Variants in VAC14 observed in about 807,000 individuals in gnomAD.
The protein encoded by VAC14 is protein VAC14 homolog.
A neutral mutation model predicts 85.3 loss-of-function variants in VAC14; 47 were observed. The ratio of observed to expected loss-of-function variants is 0.55; its 90% CI spans 0.44 to 0.70. VAC14 has a LOEUF of 0.70. VAC14 is among the 30% of genes least tolerant of loss of function. The pLI is 0.00. For synonymous variants in VAC14, 447 were observed against 430.5 expected, an observed-to-expected ratio of 1.04 and a Z score of -0.47; for missense variants, 861 against 1,004.3, an observed-to-expected ratio of 0.86 and a Z score of 1.93.
rs568615536 is a variant in VAC14 at position 70,765,741 on chromosome 16, A to ACGG, written c.1161-2719_1161-2717dup. On this transcript the variant is annotated intron_variant, in intron 10 of 18. Transcript: ENST00000261776. Reference sequence around the variant, plus strand: ...ACTGTATCCTGGGAGGGGCAGCAGAACGGCAGCTCCAGTGTGGACCAGCCC... The same window carrying ACGG: ...ACTGTATCCTGGGAGGGGCAGCAGAACGGCGGCAGCTCCAGTGTGGACCAGCCC... Among the ~76,000 whole-genome samples the ACGG allele has an allele frequency of 4.3e-4, 65 of 152,266 alleles. No homozygotes were observed. The East Asian group carries it at 0.012, about 27-fold the overall frequency.
At chr16:70,698,555 C>A (rs2053759227) in intron 15 of VAC14, 82 bp downstream of exon 15, 3 of 1,548,330 alleles carry the variant, frequency 1.9e-6, no homozygotes, top group Admixed American at 1.8e-5. Context: ...CCTCCTGGGG[C>A]CAGCCGAGGG....
chr16:70,755,284 G>A (rs2031743830), intron 12 of VAC14: 2 of 284,424 alleles, frequency 7.0e-6, no homozygotes, highest in African/African-American at 2.3e-5. Context: ...CATGGGGCCT[G>A]GGAAGGAAGG....
intron 12 of VAC14, among the ~76,000 whole-genome samples, chr16:70,746,559 G>C (rs549504851): frequency 6.6e-6 from 1 of 152,216 alleles, no homozygotes. Flanking sequence ...CAGGAGCAAG[G>C]GGTGCCCCTC....
intron 1 of VAC14, among the ~76,000 whole-genome samples, chr16:70,790,162 GT>G (rs1423642447): frequency 6.6e-6 from 1 of 152,212 alleles, no homozygotes; most frequent in Non-Finnish European, 1.5e-5. Flanking sequence ...AGGGCATGAG[GT>G]GACTCGGGGC....
At chr16:70,722,812 G>T (rs2054327975) in intron 14 of VAC14, among the ~76,000 whole-genome samples, 1 of 152,164 alleles carries the variant, frequency 6.6e-6, no homozygotes, top group South Asian at 2.1e-4. Flanking sequence ...GACTGCGGTA[G>T]CTCATGCCTG....
rs1338732985 is a variant in VAC14, at chr16:70,689,454, G to A, written c.2187-1364C>T. On this transcript the variant is annotated intron_variant, in intron 18 of 18. Transcript: ENST00000261776. ...GTCCAGCAGGAAGAGTCAACGGCCA[G>A]AGCCTGACAGTTGCTTCAGGTGGCC... 12 of 979,218 alleles carry A rather than the reference G, an allele frequency of 1.2e-5. No homozygotes were observed. In the Admixed American group the frequency reaches 7.7e-4, roughly 63 times the overall value. The allele number at this position is 979,218 out of a possible 1,614,324, so 60.7% of individuals were successfully genotyped here.
Position 70,690,881 on chromosome 16 carries a change from G to A in VAC14, c.2186+1940C>T, listed in dbSNP as rs2053583732. 5 of 985,384 alleles carry A rather than the reference G, an allele frequency of 5.1e-6. No individual in the cohort carries two copies. The South Asian group carries it at 1.9e-4, about 37-fold the overall frequency. The allele number at this position is 985,384 out of a possible 1,614,324, so 61.0% of individuals were successfully genotyped here. On this transcript the variant is annotated intron_variant, in intron 18 of 18. Transcript: ENST00000261776. ...TTGCAAAGTAAGGCTGGGGGTCCAGGGCATTGAAGGCTAGGGGGTGTCTCA... is the reference window on the plus strand; with the variant it reads ...TTGCAAAGTAAGGCTGGGGGTCCAGAGCATTGAAGGCTAGGGGGTGTCTCA...
chr16:70,711,598 C>T (rs374440876), intron 14 of VAC14, among the ~76,000 whole-genome samples: 1 of 152,162 alleles, frequency 6.6e-6, no homozygotes, highest in African/African-American at 2.4e-5. Context: ...CTCTCCCTGG[C>T]CTCCTGACAG....
chr16:70,783,094 GTTC>G lies in VAC14; in HGVS notation c.747_749del (p.Lys249del). 6.2e-7 allele frequency: 1 copy of G among 1,614,152 alleles called. No individual in the cohort carries two copies. Among genetic ancestry groups the G allele is most frequent in the Non-Finnish European group, 8.5e-7 (1 of 1,180,036 alleles). ...TCTCAGCAAACTTCACACTGGAGGG[GTTC>G]TTCTTAATTTCTTTTAAGAATTCTC... On this transcript the variant is annotated inframe_deletion, in exon 7 of 19. Transcript: ENST00000261776.
At chr16:70,736,417 T>A (rs562613009) in intron 13 of VAC14, among the ~76,000 whole-genome samples, 125 of 152,242 alleles carry the variant, frequency 8.2e-4, no homozygotes, top group Middle Eastern at 3.4e-3. Context: ...GGAGATTTCA[T>A]TTCTGGCACA....
intron 1 of VAC14, among the ~76,000 whole-genome samples, chr16:70,797,264 C>T (rs531696960): frequency 2.5e-4 from 38 of 152,168 alleles, no homozygotes; most frequent in African/African-American, 8.4e-4. Context: ...AGTGATGATC[C>T]GGGTAAGTTT....
At chr16:70,763,077 T>C (rs2032534932) in intron 10 of VAC14, 52 bp from the exon 11 acceptor site, 12 of 1,609,374 alleles carry the variant, frequency 7.5e-6, no homozygotes, top group Non-Finnish European at 1.0e-5. Flanking sequence ...CATAGCCCTC[T>C]CCCATGGAGT....
intron 12 of VAC14, chr16:70,761,349 C>T (rs2032368086): frequency 7.8e-6 from 2 of 257,618 alleles, no homozygotes; most frequent in Non-Finnish European, 1.6e-5. Flanking sequence ...CTGGCTGCCT[C>T]ATGGAGATAC....
At chr16:70,710,877 A>G (rs1371053291) in intron 14 of VAC14, among the ~76,000 whole-genome samples, 2 of 152,338 alleles carry the variant, frequency 1.3e-5, no homozygotes, top group African/African-American at 2.4e-5. Context: ...GGGTGATTAC[A>G]GTGATTCACT....
chr16:70,708,599 G>A (rs537995380), intron 14 of VAC14, among the ~76,000 whole-genome samples: 2 of 152,346 alleles, frequency 1.3e-5, no homozygotes, highest in South Asian at 2.1e-4. Flanking sequence ...AAGAGGCTGC[G>A]CCTTCTATCC....
intron 14 of VAC14, among the ~76,000 whole-genome samples, chr16:70,704,220 T>A (rs1176153942): frequency 6.6e-6 from 1 of 152,214 alleles, no homozygotes; most frequent in Non-Finnish European, 1.5e-5. Flanking sequence ...GGTGCCGCAG[T>A]GTCTGGGTGG....
intron 10 of VAC14, among the ~76,000 whole-genome samples, chr16:70,765,823 A>C (rs1299335707): frequency 6.6e-6 from 1 of 152,100 alleles, no homozygotes; most frequent in Non-Finnish European, 1.5e-5. Flanking sequence ...AGGTTAGCAC[A>C]CATTTTTCAG....
At position 70,757,428 on chromosome 16, in the gene VAC14, C is replaced by T. The variant is rs1233910365; in HGVS notation, c.1371+5112G>A. Among the ~76,000 whole-genome samples the T allele has an allele frequency of 2.0e-5, 3 of 152,292 alleles. No homozygotes were observed. In the South Asian group the frequency reaches 6.2e-4, roughly 32 times the overall value. On this transcript the variant is annotated intron_variant, in intron 12 of 18. Coordinates refer to ENST00000261776, the MANE Select transcript of VAC14 (RefSeq NM_018052.5). ...TGAGTAGAGCTCATGCTGAATGCAG[C>T]CTTGCTCCTGCTCTGGGCAGCCTCA...
chr16:70,755,223 C>A, intron 12 of VAC14: 1 of 345,898 alleles, frequency 2.9e-6, no homozygotes, highest in Non-Finnish European at 5.8e-6. Context: ...CTGGACTGAG[C>A]CCTGGAGGGG....
Sources: gnomAD v4.1 joint callset for allele counts (sites outside exome capture counted in the v4.1 genomes callset) on GRCh38, gnomAD v4.1.1 for gene constraint, MANE v1.5 for transcripts, NCBI Gene and HGNC (gene_info 2026-07-23, HGNC 2026-07-21) for gene names.